UNC13C: variants seen among roughly 807,000 people sequenced by gnomAD.
UNC13C encodes the protein protein unc-13 homolog C.
A neutral mutation model predicts 245.4 loss-of-function variants in UNC13C; 174 were observed. The observed-to-expected ratio is 0.71, with a 90% CI of 0.63 to 0.80. The LOEUF (loss-of-function observed/expected upper bound fraction) is 0.80. Ranked by LOEUF, UNC13C falls within the 30% of genes least tolerant of loss-of-function variation. The pLI is 0.00. For missense variants in UNC13C, 2,829 were observed against 2,602.9 expected (o/e 1.09, Z -1.89); for synonymous variants, 992 against 895.1 (o/e 1.11, Z -1.93).
chr15:54,228,259 C>T (rs1456981731), intron 4 of UNC13C, among the ~76,000 whole-genome samples: 1 of 152,092 alleles, frequency 6.6e-6, no homozygotes, highest in Non-Finnish European at 1.5e-5. Context: ...CAATGTGCTC[C>T]CATCTGGCCC....
At chr15:53,984,433 G>C (rs1894047355) in intron 1 of UNC13C, among the ~76,000 whole-genome samples, 1 of 151,980 alleles carries the variant, frequency 6.6e-6, no homozygotes, top group Admixed American at 6.6e-5. Context: ...CTATATTTTT[G>C]CATGTTACTT....
chr15:54,070,718 C>A (rs185734666), intron 2 of UNC13C, among the ~76,000 whole-genome samples: 1 of 152,216 alleles, frequency 6.6e-6, no homozygotes, highest in African/African-American at 2.4e-5. Flanking sequence ...TCTGCTGTCC[C>A]GGAAGCTACA....
chr15:54,349,645 A>G (rs893283906), intron 17 of UNC13C, among the ~76,000 whole-genome samples: 2 of 152,202 alleles, frequency 1.3e-5, no homozygotes, highest in African/African-American at 4.8e-5. Flanking sequence ...TATAAATTTA[A>G]TGGTGATATG....
intron 17 of UNC13C, among the ~76,000 whole-genome samples, chr15:54,381,254 A>G (rs2039718179): frequency 6.6e-6 from 1 of 152,014 alleles, no homozygotes; most frequent in Non-Finnish European, 1.5e-5. Flanking sequence ...TATTTTTGAA[A>G]ATCAGGTGGC....
At chr15:54,394,281 T>C (rs1272719529) in intron 18 of UNC13C, among the ~76,000 whole-genome samples, 1 of 151,850 alleles carries the variant, frequency 6.6e-6, no homozygotes, top group African/African-American at 2.4e-5. Flanking sequence ...CTATTTTTGG[T>C]ATACAATCAT....
chr15:54,335,290 A>G (rs778887538), intron 16 of UNC13C, among the ~76,000 whole-genome samples: 4 of 152,106 alleles, frequency 2.6e-5, no homozygotes, highest in African/African-American at 9.7e-5. Flanking sequence ...TTCTATAGCT[A>G]CTACCCCAGT....
At chr15:54,527,326 A>C (rs1013492210) in intron 25 of UNC13C, among the ~76,000 whole-genome samples, 3 of 152,182 alleles carry the variant, frequency 2.0e-5, no homozygotes, top group Non-Finnish European at 4.4e-5. Context: ...TGGGGTTAGC[A>C]GAAAGACTGT....
chr15:53,929,231 A>G, the UNC13C span, among the ~76,000 whole-genome samples: 11 of 152,142 alleles, frequency 7.2e-5, no homozygotes, highest in Non-Finnish European at 1.6e-4. Context: ...TTCACTATCA[A>G]AAGAACAGCA....
the UNC13C span, among the ~76,000 whole-genome samples, chr15:53,869,096 C>A: frequency 6.6e-6 from 1 of 152,106 alleles, no homozygotes; most frequent in Non-Finnish European, 1.5e-5. Context: ...GAGACAAAGA[C>A]CCTGTCTTAA....
At chr15:53,984,436 T>C (rs1033841459) in intron 1 of UNC13C, among the ~76,000 whole-genome samples, 1 of 152,160 alleles carries the variant, frequency 6.6e-6, no homozygotes, top group Non-Finnish European at 1.5e-5. Flanking sequence ...TATTTTTGCA[T>C]GTTACTTTTT....
At chr15:54,359,049 T>C (rs964801427) in intron 17 of UNC13C, among the ~76,000 whole-genome samples, 15 of 152,012 alleles carry the variant, frequency 9.9e-5, no homozygotes, top group Non-Finnish European at 2.1e-4. Context: ...TTATAGAATT[T>C]TTTTTCTGTG....
At chr15:54,067,526 G>A (rs1898129597) in intron 2 of UNC13C, among the ~76,000 whole-genome samples, 1 of 152,130 alleles carries the variant, frequency 6.6e-6, no homozygotes, top group African/African-American at 2.4e-5. Context: ...CTATGATAAT[G>A]CATTTGAATA....
chr15:54,235,870 TAAAAAA>T (rs1269799031), intron 5 of UNC13C, among the ~76,000 whole-genome samples: 1 of 151,838 alleles, frequency 6.6e-6, no homozygotes, highest in Non-Finnish European at 1.5e-5. Context: ...ATAAAAATAA[TAAAAAA>T]GAAGAGAAAA....
intron 10 of UNC13C, 109 bp downstream of exon 10, chr15:54,265,605 C>T: frequency 1.2e-6 from 1 of 837,466 alleles, no homozygotes; most frequent in Non-Finnish European, 1.7e-6. Context: ...AATCTCTTAC[C>T]CAAAAGTAAT....
intron 4 of UNC13C, among the ~76,000 whole-genome samples, chr15:54,147,221 T>G (rs1309345357): frequency 7.9e-4 from 2 of 2,546 alleles, no homozygotes. Flanking sequence ...TGAAACTACC[T>G]TTTTTTTTTT....
intron 2 of UNC13C, among the ~76,000 whole-genome samples, chr15:54,042,055 C>T (rs980712037): frequency 6.6e-6 from 1 of 152,012 alleles, no homozygotes; most frequent in Non-Finnish European, 1.5e-5. Context: ...TTGTGAGCAC[C>T]AACAAGATGC....
At chr15:54,038,124 A>ATATTTTTTTT in intron 2 of UNC13C, among the ~76,000 whole-genome samples, 18 of 45,028 alleles carry the variant, frequency 4.0e-4, no homozygotes, top group South Asian at 2.4e-3. Context: ...ATATATATAT[A>ATATTTTTTTT]TTTTTTTTTT....
chr15:53,932,015 C>T, the UNC13C span, among the ~76,000 whole-genome samples: 1 of 152,156 alleles, frequency 6.6e-6, no homozygotes, highest in Middle Eastern at 3.4e-3. Context: ...GCTGGTTTAA[C>T]AGTGCTGACC....
the UNC13C span, among the ~76,000 whole-genome samples, chr15:53,877,394 C>A: frequency 6.6e-6 from 1 of 152,116 alleles, no homozygotes; most frequent in African/African-American, 2.4e-5. Flanking sequence ...GGAAGACAGA[C>A]CCTAGTTCAG....
Sources: gnomAD v4.1 joint callset for allele counts (sites outside exome capture counted in the v4.1 genomes callset) on GRCh38, gnomAD v4.1.1 for gene constraint, MANE v1.5 for transcripts, NCBI Gene and HGNC (gene_info 2026-07-23, HGNC 2026-07-21) for gene names.